The following PIBF1 variants were observed in gnomAD, a reference collection of about 807,000 sequenced individuals.
PIBF1 encodes the protein progesterone immunomodulatory binding factor 1, also known as progesterone-induced-blocking factor 1.
PIBF1 carries 90 observed loss-of-function variants against 112.5 expected under a neutral mutation model. The observed-to-expected ratio is 0.80, with a 90% CI of 0.67 to 0.95. The LOEUF is 0.95. PIBF1 is among the 40% of genes least tolerant of loss of function. The pLI, the probability that PIBF1 is intolerant of heterozygous loss-of-function variation, is 0.00. For synonymous variants in PIBF1, 301 were observed against 288.6 expected (o/e 1.04, Z -0.44); for missense variants, 915 against 852.3 (o/e 1.07, Z -0.92).
At chr13:73,005,469 G>A (rs911686593) in intron 17 of PIBF1, among the ~76,000 whole-genome samples, 11 of 150,732 alleles carry the variant, frequency 7.3e-5, no homozygotes, top group Admixed American at 2.0e-4. Flanking sequence ...ACAAGACCCT[G>A]TCTCAAAATA....
At chr13:72,995,389 ATCAT>A (rs1366429705) in intron 16 of PIBF1, among the ~76,000 whole-genome samples, 1 of 152,192 alleles carries the variant, frequency 6.6e-6, no homozygotes, top group African/African-American at 2.4e-5. Flanking sequence ...AGAAAAATAC[ATCAT>A]TCATTAAAGA....
intron 10 of PIBF1, among the ~76,000 whole-genome samples, chr13:72,887,903 A>C (rs2039918680): frequency 6.6e-6 from 1 of 152,180 alleles, no homozygotes; most frequent in Admixed American, 6.5e-5. Context: ...GAAACACATC[A>C]GAATATATGG....
intron 13 of PIBF1, among the ~76,000 whole-genome samples, chr13:72,928,026 CAT>C (rs67144729): frequency 0.3 from 35,707 of 117,840 alleles, 6,026 homozygotes; most frequent in South Asian, 0.47. Context: ...CATATATATA[CAT>C]ATATATATAT....
chr13:72,991,462 G>A (rs963175141), intron 16 of PIBF1, among the ~76,000 whole-genome samples: 7 of 152,146 alleles, frequency 4.6e-5, no homozygotes, highest in African/African-American at 1.7e-4. Context: ...TGAATGGTTC[G>A]TTCATTCATA....
intron 17 of PIBF1, among the ~76,000 whole-genome samples, chr13:73,013,033 G>A (rs1401800319): frequency 1.3e-5 from 2 of 151,872 alleles, no homozygotes; most frequent in Non-Finnish European, 2.9e-5. Flanking sequence ...CGGGCGCGGT[G>A]GCTCACGCCT....
chr13:72,882,355 C>T (rs555531435), intron 10 of PIBF1, among the ~76,000 whole-genome samples: 12 of 152,248 alleles, frequency 7.9e-5, no homozygotes, highest in African/African-American at 1.2e-4. Flanking sequence ...ATTGGAGAAA[C>T]GCTCTAGGAC....
intron 5 of PIBF1, among the ~76,000 whole-genome samples, chr13:72,803,686 C>T (rs893068564): frequency 6.6e-6 from 1 of 151,910 alleles, no homozygotes; most frequent in Non-Finnish European, 1.5e-5. Flanking sequence ...AGTTGAGTTT[C>T]GATTTAAAAA....
chr13:72,857,637 A>G (rs373851965), intron 10 of PIBF1, among the ~76,000 whole-genome samples: 33 of 152,326 alleles, frequency 2.2e-4, no homozygotes, highest in African/African-American at 7.7e-4. Context: ...TCAGGAGTTC[A>G]AAACCAGCCT....
chr13:72,782,170 T>C lies in PIBF1; in HGVS notation c.-227T>C, dbSNP rs1410357780. Reference sequence around the variant, plus strand: ...CGGCGGCTTGTGGGAGTGCTGGTTCTGTCCTCCTTGCGGGTGCGGAGATGG... The same window carrying C: ...CGGCGGCTTGTGGGAGTGCTGGTTCCGTCCTCCTTGCGGGTGCGGAGATGG... On this transcript the variant is annotated 5_prime_UTR_variant, in exon 1 of 18. Coordinates refer to ENST00000326291, the MANE Select transcript of PIBF1 (RefSeq NM_006346.4). The C allele has an allele frequency of 3.8e-6, 1 of 263,882 alleles. No individual in the cohort carries two copies. The highest frequency in any genetic ancestry group is 7.2e-6 in the Non-Finnish European group (1 of 138,632). 16.3% of individuals were successfully genotyped at this position (263,882 alleles called of 1,614,324 possible).
intron 5 of PIBF1, among the ~76,000 whole-genome samples, chr13:72,799,465 G>T (rs915678069): frequency 1.3e-5 from 2 of 152,124 alleles, no homozygotes; most frequent in Non-Finnish European, 2.9e-5. Context: ...AATTAGAGGG[G>T]CAGATGTGCC....
intron 2 of PIBF1, among the ~76,000 whole-genome samples, chr13:72,787,393 C>T (rs1593879145): frequency 2.6e-5 from 4 of 152,254 alleles, no homozygotes; most frequent in African/African-American, 9.6e-5. Context: ...TGAATTTTGT[C>T]CCTCTGGTCG....
intron 10 of PIBF1, among the ~76,000 whole-genome samples, chr13:72,871,101 G>A (rs1206584801): frequency 6.6e-6 from 1 of 152,080 alleles, no homozygotes; most frequent in African/African-American, 2.4e-5. Context: ...ATTGGATGGT[G>A]GCATAGATAA....
intron 14 of PIBF1, among the ~76,000 whole-genome samples, chr13:72,942,419 C>T (rs900153507): frequency 6.6e-6 from 1 of 151,870 alleles, no homozygotes; most frequent in African/African-American, 2.4e-5. Context: ...TGATTTTTGT[C>T]CTATATTGCA....
intron 14 of PIBF1, among the ~76,000 whole-genome samples, chr13:72,949,147 A>G (rs1292362989): frequency 2.0e-5 from 3 of 152,198 alleles, no homozygotes; most frequent in Non-Finnish European, 4.4e-5. Context: ...TGATATGACC[A>G]TTCTTGAAAT....
intron 14 of PIBF1, among the ~76,000 whole-genome samples, chr13:72,945,866 A>G (rs1345560485): frequency 2.0e-5 from 3 of 152,208 alleles, no homozygotes; most frequent in Admixed American, 1.3e-4. Flanking sequence ...ACGAATATAT[A>G]TGTATAAATA....
intron 10 of PIBF1, among the ~76,000 whole-genome samples, chr13:72,886,893 A>T (rs1347758787): frequency 3.9e-5 from 6 of 152,082 alleles, no homozygotes; most frequent in African/African-American, 1.4e-4. Context: ...AACTTCTTTT[A>T]AATTCCTTTC....
chr13:72,890,848 T>G (rs1463527925), intron 10 of PIBF1, among the ~76,000 whole-genome samples: 1 of 152,140 alleles, frequency 6.6e-6, no homozygotes, highest in Admixed American at 6.5e-5. Flanking sequence ...GTAGCTATGT[T>G]TGTTCAACAT....
intron 14 of PIBF1, among the ~76,000 whole-genome samples, chr13:72,943,314 A>G (rs1358901284): frequency 6.6e-6 from 1 of 152,206 alleles, no homozygotes; most frequent in African/African-American, 2.4e-5. Context: ...TGTAGTTTAC[A>G]ATAATTTATT....
chr13:72,859,333 A>G (rs2038589665), intron 10 of PIBF1, among the ~76,000 whole-genome samples: 1 of 152,166 alleles, frequency 6.6e-6, no homozygotes, highest in African/African-American at 2.4e-5. Context: ...ACTTTCCATG[A>G]CATCCTTTTA....
Sources: allele counts gnomAD v4.1 joint callset (sites outside exome capture counted in the v4.1 genomes callset), GRCh38; gene constraint gnomAD v4.1.1; transcripts MANE v1.5; gene names NCBI Gene and HGNC (gene_info 2026-07-23, HGNC 2026-07-21).